DPP6: variants seen among roughly 807,000 people sequenced by gnomAD.
DPP6 encodes the protein A-type potassium channel modulatory protein DPP6.
DPP6 carries 69 observed loss-of-function variants against 122.6 expected under a neutral mutation model. The observed-to-expected ratio is 0.56, with a 90% CI of 0.46 to 0.69. DPP6 has a LOEUF of 0.69. Ranked by LOEUF, DPP6 falls within the 30% of genes least tolerant of loss-of-function variation. DPP6 has a pLI of 0.00. For missense variants in DPP6, 928 were observed against 1,116.9 expected (o/e 0.83, Z 2.41); for synonymous variants, 418 against 433.1 (o/e 0.97, Z 0.43).
intron 1 of DPP6, among the ~76,000 whole-genome samples, chr7:154,388,520 T>C (rs10260383): frequency 0.14 from 21,320 of 152,048 alleles, 2,175 homozygotes; most frequent in African/African-American, 0.29. Context: ...TTGGTTTTGA[T>C]TCAGATATAA....
At chr7:154,120,162 A>C (rs922354790) in intron 1 of DPP6, among the ~76,000 whole-genome samples, 4 of 150,616 alleles carry the variant, frequency 2.7e-5, no homozygotes, top group Non-Finnish European at 5.9e-5. Flanking sequence ...ACACTTTATA[A>C]TTTTTTTTTA....
At chr7:154,515,547 C>A (rs1180841871) in intron 3 of DPP6, among the ~76,000 whole-genome samples, 1 of 152,062 alleles carries the variant, frequency 6.6e-6, no homozygotes, top group Non-Finnish European at 1.5e-5. Flanking sequence ...GCGCTCTCGG[C>A]TCACTGCAAC....
At chr7:154,500,038 C>T (rs990634074) in intron 3 of DPP6, among the ~76,000 whole-genome samples, 3 of 152,174 alleles carry the variant, frequency 2.0e-5, no homozygotes, top group African/African-American at 7.2e-5. Flanking sequence ...ATAGCATGGG[C>T]ATGGGCGGAC....
intron 1 of DPP6, among the ~76,000 whole-genome samples, chr7:154,373,213 G>A (rs1812825214): frequency 6.6e-6 from 1 of 152,208 alleles, no homozygotes; most frequent in Non-Finnish European, 1.5e-5. Flanking sequence ...AATGTGAAGA[G>A]CCAGAACTAG....
At chr7:154,078,143 T>C (rs569972444) in intron 1 of DPP6, among the ~76,000 whole-genome samples, 3 of 152,244 alleles carry the variant, frequency 2.0e-5, no homozygotes, top group African/African-American at 7.2e-5. Flanking sequence ...ATATATCATC[T>C]CTTTCATGTT....
chr7:153,910,759 C>G (rs976400964), intron 1 of DPP6, among the ~76,000 whole-genome samples: 2 of 152,168 alleles, frequency 1.3e-5, no homozygotes, highest in African/African-American at 4.8e-5. Context: ...TCCTAATATT[C>G]AGGCTCTGAA....
At chr7:154,577,026 G>T (rs976963828) in intron 5 of DPP6, among the ~76,000 whole-genome samples, 15 of 152,120 alleles carry the variant, frequency 9.9e-5, no homozygotes, top group East Asian at 3.9e-4. Context: ...GAAGGTAAGT[G>T]CAGCTAGGTT....
intron 10 of DPP6, among the ~76,000 whole-genome samples, chr7:154,791,178 G>A (rs1385213328): frequency 6.6e-6 from 1 of 152,098 alleles, no homozygotes; most frequent in Non-Finnish European, 1.5e-5. Context: ...CTTGAACCTG[G>A]GAGGTACAGG....
At chr7:154,446,475 T>A in intron 2 of DPP6, 147 bp downstream of exon 2, 1 of 490,368 alleles carries the variant, frequency 2.0e-6, no homozygotes, top group Non-Finnish European at 3.5e-6. Context: ...TATAATATGG[T>A]TTCAATTTTA....
At chr7:153,853,503 T>C in the DPP6 span, among the ~76,000 whole-genome samples, 1 of 152,238 alleles carries the variant, frequency 6.6e-6, no homozygotes, top group Non-Finnish European at 1.5e-5. Flanking sequence ...GAATTTTTGC[T>C]GATTTAAGGA....
intron 1 of DPP6, among the ~76,000 whole-genome samples, chr7:154,390,467 A>G (rs1164699575): frequency 1.3e-5 from 2 of 152,048 alleles, no homozygotes; most frequent in South Asian, 2.1e-4. Flanking sequence ...GATTGGAGGT[A>G]TTGAGTGAGA....
intron 17 of DPP6, among the ~76,000 whole-genome samples, chr7:154,864,157 C>A (rs1032227966): frequency 3.3e-5 from 5 of 152,244 alleles, no homozygotes; most frequent in South Asian, 4.1e-4. Flanking sequence ...ACACACCATC[C>A]TGCAGTTTTA....
At chr7:154,392,553 C>T (rs1814713473) in intron 1 of DPP6, among the ~76,000 whole-genome samples, 1 of 152,090 alleles carries the variant, frequency 6.6e-6, no homozygotes, top group South Asian at 2.1e-4. Flanking sequence ...CTTCAGTCAT[C>T]CAAGTTGGAT....
At chr7:154,216,221 A>G (rs1222529685) in intron 1 of DPP6, among the ~76,000 whole-genome samples, 1 of 151,996 alleles carries the variant, frequency 6.6e-6, no homozygotes, top group Non-Finnish European at 1.5e-5. Flanking sequence ...ACTCTGGGAA[A>G]TCAGGGACAG....
At chr7:154,868,540 G>A (rs1804092952) in intron 18 of DPP6, among the ~76,000 whole-genome samples, 1 of 152,112 alleles carries the variant, frequency 6.6e-6, no homozygotes, top group Non-Finnish European at 1.5e-5. Context: ...TTACTCCCTA[G>A]GAAATGCTTC....
intron 4 of DPP6, among the ~76,000 whole-genome samples, chr7:154,543,292 T>TA (rs35031540): frequency 0.016 from 2,363 of 152,270 alleles, 28 homozygotes; most frequent in South Asian, 0.036. Flanking sequence ...AGCAGAATTT[T>TA]AAAATATTCC....
At chr7:153,841,433 C>T in the DPP6 span, among the ~76,000 whole-genome samples, 6 of 152,288 alleles carry the variant, frequency 3.9e-5, no homozygotes, top group African/African-American at 1.4e-4. Flanking sequence ...TTTTCATCCC[C>T]TTCCAGATGC....
chr7:154,217,648 C>T (rs1277437725), intron 1 of DPP6, among the ~76,000 whole-genome samples: 1 of 152,212 alleles, frequency 6.6e-6, no homozygotes, highest in Non-Finnish European at 1.5e-5. Context: ...CTCATCCAGG[C>T]TAGTGCAAAT....
chr7:154,172,130 C>T (rs918277995), intron 1 of DPP6, among the ~76,000 whole-genome samples: 1 of 128,828 alleles, frequency 7.8e-6, no homozygotes, highest in Non-Finnish European at 1.6e-5. Flanking sequence ...GTGCCCCTCC[C>T]TCCCTTCCTT....
Sources: gnomAD v4.1 joint callset for allele counts (sites outside exome capture counted in the v4.1 genomes callset) on GRCh38, gnomAD v4.1.1 for gene constraint, MANE v1.5 for transcripts, NCBI Gene and HGNC (gene_info 2026-07-23, HGNC 2026-07-21) for gene names.